Variants in MCMDC2 observed in about 807,000 individuals in gnomAD.
The protein encoded by MCMDC2 is minichromosome maintenance domain-containing protein 2.
MCMDC2 carries 54 observed loss-of-function variants against 75.8 expected under a neutral mutation model. The ratio of observed to expected loss-of-function variants is 0.71; its 90% CI spans 0.57 to 0.89. MCMDC2 has a LOEUF of 0.89. Ranked by LOEUF, MCMDC2 falls within the 40% of genes least tolerant of loss-of-function variation. MCMDC2 has a pLI of 0.00. For missense variants in MCMDC2, 656 were observed against 780.4 expected (o/e 0.84, Z 1.90); for synonymous variants, 249 against 274.6 (o/e 0.91, Z 0.92).
At chr8:66,875,124 T>C (rs1394955897) in intron 4 of MCMDC2, among the ~76,000 whole-genome samples, 1 of 152,136 alleles carries the variant, frequency 6.6e-6, no homozygotes, top group African/African-American at 2.4e-5. Flanking sequence ...CAGTGAACCT[T>C]CATATATCTA....
chr8:66,886,158 CTTT>C (rs775562349), intron 9 of MCMDC2, among the ~76,000 whole-genome samples: 3 of 123,458 alleles, frequency 2.4e-5, no homozygotes, highest in Admixed American at 1.6e-4. Flanking sequence ...ATATGTATAA[CTTT>C]TTTTTTTTTT....
At chr8:66,905,781 TG>T (rs1353461782) in intron 14 of MCMDC2, among the ~76,000 whole-genome samples, 2 of 152,050 alleles carry the variant, frequency 1.3e-5, no homozygotes, top group Non-Finnish European at 2.9e-5. Context: ...CCGAGACAGA[TG>T]GATCACAAGG....
chr8:66,889,713 C>T (rs754109826), intron 9 of MCMDC2, among the ~76,000 whole-genome samples: 4 of 152,090 alleles, frequency 2.6e-5, no homozygotes, highest in Admixed American at 2.6e-4. Flanking sequence ...GAAGGAGAAT[C>T]GTTTGAGCCT....
At chr8:66,900,367 G>A (rs1202748138) in intron 12 of MCMDC2, among the ~76,000 whole-genome samples, 1 of 152,092 alleles carries the variant, frequency 6.6e-6, no homozygotes, top group Non-Finnish European at 1.5e-5. Context: ...GAACCCCAGA[G>A]GCTGAGGTTG....
At chr8:66,916,465 CA>C (rs1229218016) in intron 14 of MCMDC2, among the ~76,000 whole-genome samples, 7 of 152,084 alleles carry the variant, frequency 4.6e-5, no homozygotes, top group Admixed American at 4.6e-4. Flanking sequence ...GGTTGCCAGG[CA>C]GGTGATCGTT....
At chr8:66,922,415 CTTAA>C, downstream of MCMDC2, 4 of 488,400 alleles carry the variant, frequency 8.2e-6, no homozygotes, top group Admixed American at 2.1e-5. Flanking sequence ...AATATTCACC[CTTAA>C]TTAAATTATT....
At chr8:66,877,011 T>G (rs1043281782) in intron 4 of MCMDC2, among the ~76,000 whole-genome samples, 1 of 152,074 alleles carries the variant, frequency 6.6e-6, no homozygotes, top group Non-Finnish European at 1.5e-5. Flanking sequence ...CTGCCCGCCT[T>G]GGCCTCCCAA....
chr8:66,889,504 A>G (rs909555188), intron 9 of MCMDC2, among the ~76,000 whole-genome samples: 1 of 152,096 alleles, frequency 6.6e-6, no homozygotes, highest in African/African-American at 2.4e-5. Context: ...TTAAGAGAAA[A>G]AAAAATTTTG....
chr8:66,912,810 C>T (rs982285760), intron 14 of MCMDC2, among the ~76,000 whole-genome samples: 3 of 152,112 alleles, frequency 2.0e-5, no homozygotes, highest in South Asian at 2.1e-4. Flanking sequence ...GGAGGGATAG[C>T]ATTAAGAGAA....
At position 66,921,118 on chromosome 8, in the gene MCMDC2, TCAC is replaced by T. The variant is rs1813511279; in HGVS notation, c.*1953_*1955del. On this transcript the variant is annotated 3_prime_UTR_variant, in exon 15 of 15. Transcript: ENST00000422365. ...AACCTCAGTCTCAAAGATGGTTACTTCACCACAAAAAAATTAAAATGTTTAAGT... is the reference window on the plus strand; with the variant it reads ...AACCTCAGTCTCAAAGATGGTTACTTCACAAAAAAATTAAAATGTTTAAGT... 6.6e-6 allele frequency: 1 copy of T among 152,144 alleles called. No homozygotes were observed. The highest frequency in any genetic ancestry group is 1.5e-5 in the Non-Finnish European group (1 of 68,032). The allele number at this position is 152,144 out of a possible 1,614,324, so 9.4% of individuals were successfully genotyped here.
At chr8:66,888,954 A>T (rs1811969112) in intron 9 of MCMDC2, among the ~76,000 whole-genome samples, 1 of 152,242 alleles carries the variant, frequency 6.6e-6, no homozygotes, top group Non-Finnish European at 1.5e-5. Flanking sequence ...AGGTAAGGTT[A>T]GTGCAGGCTG....
At chr8:66,902,711 A>T (rs7843124) in intron 13 of MCMDC2, among the ~76,000 whole-genome samples, 5,309 of 66,294 alleles carry the variant, frequency 0.08, 224 homozygotes, top group African/African-American at 0.13. Context: ...AAAAAAAAAA[A>T]ATATATATAT....
At chr8:66,891,091 T>C in intron 10 of MCMDC2, 21 bp downstream of exon 10, 1 of 1,571,920 alleles carries the variant, frequency 6.4e-7, no homozygotes, top group African/African-American at 1.4e-5. Flanking sequence ...TTTTTTAAAT[T>C]AATTTTCACC....
intron 13 of MCMDC2, among the ~76,000 whole-genome samples, chr8:66,902,266 C>CT (rs1812700724): frequency 6.6e-6 from 1 of 151,744 alleles, no homozygotes; most frequent in Non-Finnish European, 1.5e-5. Flanking sequence ...TGGCAGGTGC[C>CT]TGTAGTCCCA....
At chr8:66,917,923 A>C (rs1212868333) in intron 14 of MCMDC2, among the ~76,000 whole-genome samples, 1 of 152,212 alleles carries the variant, frequency 6.6e-6, no homozygotes, top group African/African-American at 2.4e-5. Context: ...GTATATACCC[A>C]GAAGTGAAAG....
At chr8:66,905,151 G>A (rs968258492) in intron 13 of MCMDC2, 75 bp from the exon 14 acceptor site, 9 of 1,182,530 alleles carry the variant, frequency 7.6e-6, no homozygotes, top group Admixed American at 7.7e-5. Context: ...TATATATCTC[G>A]ATTTGTTCCT....
chr8:66,916,999 G>A (rs1813348049), intron 14 of MCMDC2, among the ~76,000 whole-genome samples: 1 of 152,150 alleles, frequency 6.6e-6, no homozygotes. Context: ...ACTATAGAAG[G>A]AGAAGGATAG....
Position 66,921,091 on chromosome 8 carries a change from CCAA to C in MCMDC2, c.*1924_*1926del, listed in dbSNP as rs1427217591. 6.6e-6 allele frequency: 1 copy of C among 151,990 alleles called. No homozygotes were observed. Among genetic ancestry groups the C allele is most frequent in the African/African-American group, 2.4e-5 (1 of 41,364 alleles). 9.4% of individuals were successfully genotyped at this position (151,990 alleles called of 1,614,324 possible). A position where few individuals can be genotyped will look rare whatever the true frequency, so the allele number is the denominator to read the frequency against. On this transcript the variant is annotated 3_prime_UTR_variant, in exon 15 of 15. Coordinates refer to ENST00000422365, the MANE Select transcript of MCMDC2 (RefSeq NM_173518.5). ...CCTTAATCTCCCCAGCTCAAAAAAC[CCAA>C]CCTCAGTCTCAAAGATGGTTACTTC...
chr8:66,905,913 G>T (rs946692699), intron 14 of MCMDC2, among the ~76,000 whole-genome samples: 1 of 151,574 alleles, frequency 6.6e-6, no homozygotes, highest in Non-Finnish European at 1.5e-5. Flanking sequence ...GCTGAGGCAA[G>T]AGAATCGTTT....
Sources: allele counts gnomAD v4.1 joint callset (sites outside exome capture counted in the v4.1 genomes callset), GRCh38; gene constraint gnomAD v4.1.1; transcripts MANE v1.5; gene names NCBI Gene and HGNC (gene_info 2026-07-23, HGNC 2026-07-21).